Variants in ASXL3 observed in about 807,000 individuals in gnomAD.
ASXL3 encodes putative Polycomb group protein ASXL3.
Under a neutral mutation model 170.6 loss-of-function variants are expected in ASXL3, and 34 were observed. That is an observed-to-expected ratio of 0.20 (90% CI 0.15 to 0.27). The LOEUF is 0.27. ASXL3 is among the 10% of genes least tolerant of loss of function. The pLI is 1.00. For missense variants in ASXL3, 2,592 were observed against 2,695.3 expected (o/e 0.96, Z 0.85); for synonymous variants, 1,002 against 989.1 (o/e 1.01, Z -0.24).
intron 8 of ASXL3, among the ~76,000 whole-genome samples, chr18:33,704,453 T>C (rs754760719): frequency 1.1e-4 from 17 of 152,080 alleles, no homozygotes; most frequent in African/African-American, 3.9e-4. Flanking sequence ...TTTATCATTA[T>C]GTATTATGGT....
intron 7 of ASXL3, among the ~76,000 whole-genome samples, chr18:33,678,077 A>T (rs926819847): frequency 3.4e-5 from 5 of 149,196 alleles, no homozygotes; most frequent in Admixed American, 2.0e-4. Flanking sequence ...TTATGTATTT[A>T]TTATTTATTT....
At chr18:33,632,240 T>C (rs957615879) in intron 2 of ASXL3, among the ~76,000 whole-genome samples, 6 of 152,098 alleles carry the variant, frequency 3.9e-5, no homozygotes, top group African/African-American at 1.4e-4. Context: ...ATAAAATTCT[T>C]ATAGGATTTT....
At chr18:33,709,144 A>G (rs2067012124) in intron 8 of ASXL3, among the ~76,000 whole-genome samples, 1 of 152,236 alleles carries the variant, frequency 6.6e-6, no homozygotes, top group African/African-American at 2.4e-5. Context: ...AAATATTGGC[A>G]ATAACAAATG....
Position 33,739,909 on chromosome 18 carries a change from G to A in ASXL3, c.2505G>A (p.Gln835=), listed in dbSNP as rs755645163. Residue 835 remains glutamine (Q), a synonymous_variant, in exon 11 of 12, where the codon CAG becomes CAA. Transcript: ENST00000269197. The part of the protein sequence containing the change: ...SEDLHNKTLS[Q]QTCKSHVDTE... ...ATTTGCACAATAAGACCCTGAGTCA[G>A]CAAACCTGTAAATCACATGTTGACA... 1.2e-5 allele frequency: 20 copies of A among 1,613,784 alleles called. No individual in the cohort carries two copies. Among genetic ancestry groups the A allele is most frequent in the Middle Eastern group, 1.6e-4 (1 of 6,084 alleles).
intron 8 of ASXL3, among the ~76,000 whole-genome samples, chr18:33,685,846 A>G (rs2066587238): frequency 6.6e-6 from 1 of 152,208 alleles, no homozygotes; most frequent in South Asian, 2.1e-4. Context: ...ACTCACTGCT[A>G]TGAGAACAGC....
At chr18:33,613,608 G>C (rs1431342101) in intron 2 of ASXL3, among the ~76,000 whole-genome samples, 1 of 151,976 alleles carries the variant, frequency 6.6e-6, no homozygotes, top group Admixed American at 6.6e-5. Flanking sequence ...GTAAAACACT[G>C]TACATACCTT....
rs150752638 is a variant in ASXL3 at position 33,581,472 on chromosome 18, A to AGTGT, written c.54+2813_54+2816dup. Among the ~76,000 whole-genome samples the AGTGT allele has an allele frequency of 6.2e-3, 905 of 145,284 alleles. 11 individuals are homozygous for AGTGT. Among genetic ancestry groups the AGTGT allele is most frequent in the African/African-American group, 0.019 (741 of 39,830 alleles). On this transcript the variant is annotated intron_variant, in intron 1 of 11. Coordinates refer to ENST00000269197, the MANE Select transcript of ASXL3 (RefSeq NM_030632.3). ...TATATATATCTTTCTTGCTGGAGTG[A>AGTGT]GTGTGTGTGTGTGTGTGTGTGTGTG...
At chr18:33,661,886 T>C (rs758606161) in intron 5 of ASXL3, 149 bp downstream of exon 5, 94 of 933,288 alleles carry the variant, frequency 1.0e-4, no homozygotes, top group Non-Finnish European at 1.3e-4. Context: ...TTCAATAATT[T>C]TAATCTGTGA....
chr18:33,629,769 T>C (rs955115311), intron 2 of ASXL3, among the ~76,000 whole-genome samples: 2 of 152,040 alleles, frequency 1.3e-5, no homozygotes, highest in Non-Finnish European at 2.9e-5. Context: ...AAAACGCACG[T>C]TTTTTCCTAA....
At chr18:33,653,015 A>G (rs2066027038) in intron 4 of ASXL3, among the ~76,000 whole-genome samples, 1 of 152,068 alleles carries the variant, frequency 6.6e-6, no homozygotes, top group Non-Finnish European at 1.5e-5. Context: ...ATACAAGGCT[A>G]CAAAAAAGGA....
Position 33,743,511 on chromosome 18 carries a change from T to G in ASXL3, c.3663T>G (p.Ser1221=). The G allele has an allele frequency of 6.2e-7, 1 of 1,613,606 alleles. No individual in the cohort carries two copies. The highest frequency in any genetic ancestry group is 1.1e-5 in the South Asian group (1 of 91,088). Residue 1221 remains serine, a synonymous_variant, in exon 12 of 12, where the codon TCT becomes TCG. Coordinates refer to ENST00000269197, the MANE Select transcript of ASXL3 (RefSeq NM_030632.3). ...HLSEKIVSST[S]SENSSVPMLF... Reference sequence around the variant, plus strand: ...CTGAGAAAATTGTTTCATCTACCTCTTCTGAAAATAGCAGTGTGCCCATGC... The same window carrying G: ...CTGAGAAAATTGTTTCATCTACCTCGTCTGAAAATAGCAGTGTGCCCATGC...
chr18:33,630,509 G>T (rs112509794), intron 2 of ASXL3, among the ~76,000 whole-genome samples: 1,592 of 152,054 alleles, frequency 0.01, 30 homozygotes, highest in African/African-American at 0.037. Flanking sequence ...GAAGGAGGAG[G>T]AGAGAGGAGA....
rs2067586939 is a variant in ASXL3, at chr18:33,738,512, G to C, written c.1108G>C (p.Val370Leu). 1.9e-6 allele frequency: 3 copies of C among 1,611,788 alleles called. No individual in the cohort carries two copies. The East Asian group carries it at 6.7e-5, about 36-fold the overall frequency. Residue 370 changes from valine (V) to leucine (L), a missense_variant, in exon 11 of 12, where the codon GTG becomes CTG. Val to Leu is a conservative substitution (Grantham distance 32). Transcript: ENST00000269197. ...GCTGGGCATGTCAAGAGAGGAATCT[G>C]TGAAGCTCACTACTGGACCAAACAA... ...EKLGMSREES[V>L]KLTTGPNNAG...
chr18:33,578,559 T>C lies in ASXL3; in HGVS notation c.-73T>C. ...GGGTCACCGGGTCACTGGGTCATTG[T>C]CTCCGCGCCCGAACCCCGAGCACCC... is the stretch of plus-strand genomic sequence containing the variant. On this transcript the variant is annotated 5_prime_UTR_variant, in exon 1 of 12. Coordinates refer to ENST00000269197, the MANE Select transcript of ASXL3 (RefSeq NM_030632.3). The C allele has an allele frequency of 2.0e-6, 2 of 982,168 alleles. No homozygotes were observed. Among genetic ancestry groups the C allele is most frequent in the Non-Finnish European group, 2.6e-6 (2 of 757,820 alleles). 60.8% of individuals were successfully genotyped at this position (982,168 alleles called of 1,614,324 possible).
chr18:33,740,111 C>T lies in ASXL3; in HGVS notation c.2707C>T (p.Gln903Ter), dbSNP rs1464206877. The T allele has an allele frequency of 6.2e-7, 1 of 1,613,848 alleles. No individual in the cohort carries two copies. Among genetic ancestry groups the T allele is most frequent in the Admixed American group, 1.7e-5 (1 of 60,012 alleles). Residue 903 changes from glutamine (Q) to a stop codon, truncating the protein, a stop_gained, in exon 11 of 12, where the codon CAG becomes TAG. Transcript: ENST00000269197. LOFTEE classifies it high-confidence loss of function. Reference protein sequence around the residue: ...KGNELPSAKLQDKQYISSVDK... With the variant: ...KGNELPSAKL ...AAATGAGCTTCCATCTGCTAAATTA[C>T]AGGACAAGCAATATATCTCATCAGT... is the stretch of plus-strand genomic sequence containing the variant.
intron 2 of ASXL3, among the ~76,000 whole-genome samples, chr18:33,642,127 A>AT (rs1277418272): frequency 2.6e-5 from 4 of 151,948 alleles, no homozygotes; most frequent in African/African-American, 9.7e-5. Context: ...TATAGTATAC[A>AT]TGCCAATTCT....
At chr18:33,667,413 T>C (rs910008117) in intron 5 of ASXL3, among the ~76,000 whole-genome samples, 1 of 152,204 alleles carries the variant, frequency 6.6e-6, no homozygotes, top group Non-Finnish European at 1.5e-5. Flanking sequence ...ATCCTGAATA[T>C]AAGTCCTCGA....
intron 4 of ASXL3, among the ~76,000 whole-genome samples, chr18:33,655,780 AT>A (rs2066074152): frequency 6.6e-6 from 1 of 152,126 alleles, no homozygotes; most frequent in African/African-American, 2.4e-5. Flanking sequence ...AATACTATAC[AT>A]AAAACAAATT....
At chr18:33,718,853 A>G (rs575710056) in intron 8 of ASXL3, among the ~76,000 whole-genome samples, 1 of 152,124 alleles carries the variant, frequency 6.6e-6, no homozygotes, top group South Asian at 2.1e-4. Context: ...GGTCCTTCCC[A>G]TAATCAATGA....
Sources: allele counts gnomAD v4.1 joint callset (sites outside exome capture counted in the v4.1 genomes callset), GRCh38; gene constraint gnomAD v4.1.1; transcripts MANE v1.5; gene names NCBI Gene and HGNC (gene_info 2026-07-23, HGNC 2026-07-21).